The following PDE10A variants were observed in gnomAD, a reference collection of about 807,000 sequenced individuals.
PDE10A encodes cAMP and cAMP-inhibited cGMP 3',5'-cyclic phosphodiesterase 10A.
Under a neutral mutation model 97.7 loss-of-function variants are expected in PDE10A, and 39 were observed. The observed-to-expected ratio is 0.40, with a 90% CI of 0.31 to 0.52. PDE10A has a LOEUF of 0.52. PDE10A is among the 20% of genes least tolerant of loss of function. PDE10A has a pLI of 0.56. For missense variants in PDE10A, 731 were observed against 1,047.8 expected (o/e 0.70, Z 4.17); for synonymous variants, 371 against 376.8 (o/e 0.98, Z 0.18).
intron 1 of PDE10A, among the ~76,000 whole-genome samples, chr6:165,922,490 A>T (rs1341640781): frequency 6.6e-6 from 1 of 152,200 alleles, no homozygotes; most frequent in Non-Finnish European, 1.5e-5. Flanking sequence ...AAACAAAGGG[A>T]TGTTTAATAT....
At chr6:165,803,699 A>T (rs1311871617) in intron 1 of PDE10A, among the ~76,000 whole-genome samples, 1 of 152,228 alleles carries the variant, frequency 6.6e-6, no homozygotes, top group Non-Finnish European at 1.5e-5. Context: ...TATGGTATTT[A>T]GGACAATCAC....
At chr6:165,477,539 ATGAC>A (rs1703208402) in intron 3 of PDE10A, among the ~76,000 whole-genome samples, 1 of 152,238 alleles carries the variant, frequency 6.6e-6, no homozygotes, top group African/African-American at 2.4e-5. Context: ...CTGAATGACA[ATGAC>A]TGATTAGAAA....
chr6:165,494,384 C>T (rs2128290172), intron 2 of PDE10A, among the ~76,000 whole-genome samples: 1 of 150,822 alleles, frequency 6.6e-6, no homozygotes, highest in Middle Eastern at 3.5e-3. Flanking sequence ...TTTATAGCAG[C>T]ACCATTTACA....
At chr6:165,525,130 C>T (rs899505536) in intron 2 of PDE10A, among the ~76,000 whole-genome samples, 5 of 152,108 alleles carry the variant, frequency 3.3e-5, no homozygotes, top group African/African-American at 1.2e-4. Context: ...GAAGTCCCGG[C>T]GAGCCCCTAG....
chr6:165,549,481 C>T lies in PDE10A; in HGVS notation c.866-5913G>A, dbSNP rs570934067. On this transcript the variant is annotated intron_variant, in intron 1 of 21. Transcript: ENST00000539869. ...CTGGGACTACAGGTACCTGCCACCACGCCCGGCCAATTTTTTGTATTTTTA... is the reference window on the plus strand; with the variant it reads ...CTGGGACTACAGGTACCTGCCACCATGCCCGGCCAATTTTTTGTATTTTTA... 5.3e-5 allele frequency among the ~76,000 whole-genome samples: 8 copies of T among 152,204 alleles called. No homozygotes were observed. The East Asian group carries it at 9.7e-4, about 18-fold the overall frequency.
intron 2 of PDE10A, among the ~76,000 whole-genome samples, chr6:165,523,714 T>TTA (rs1782267606): frequency 6.6e-6 from 1 of 152,088 alleles, no homozygotes; most frequent in Non-Finnish European, 1.5e-5. Context: ...ACTTGGCAAA[T>TTA]AATTTATGAC....
chr6:165,876,002 A>C (rs77793714), intron 1 of PDE10A, among the ~76,000 whole-genome samples: 6,265 of 152,320 alleles, frequency 0.041, 173 homozygotes, highest in Middle Eastern at 0.11. Context: ...TATGGATAAC[A>C]TGAGGCAGGT....
intron 1 of PDE10A, among the ~76,000 whole-genome samples, chr6:165,761,525 A>G (rs1562723124): frequency 6.6e-6 from 1 of 152,162 alleles, no homozygotes; most frequent in Non-Finnish European, 1.5e-5. Flanking sequence ...TTTTTGCTTG[A>G]TACAGAAGCC....
chr6:165,531,995 GAAC>G (rs1421543629), intron 2 of PDE10A, among the ~76,000 whole-genome samples: 2 of 152,022 alleles, frequency 1.3e-5, no homozygotes, highest in Admixed American at 6.6e-5. Context: ...GTACAAAAAT[GAAC>G]AACAACAATT....
At chr6:165,797,095 G>A (rs977208225) in intron 1 of PDE10A, among the ~76,000 whole-genome samples, 13 of 152,214 alleles carry the variant, frequency 8.5e-5, no homozygotes, top group African/African-American at 2.7e-4. Flanking sequence ...GCAAATGGGT[G>A]CAAGTGACCC....
chr6:165,379,906 A>T (rs1435332780), intron 17 of PDE10A, among the ~76,000 whole-genome samples: 2 of 152,192 alleles, frequency 1.3e-5, no homozygotes, highest in African/African-American at 2.4e-5. Context: ...GTTTATTCAA[A>T]CACATTAAAA....
intron 3 of PDE10A, among the ~76,000 whole-genome samples, chr6:165,467,639 TC>T (rs1032518455): frequency 1.2e-4 from 18 of 152,210 alleles, no homozygotes; most frequent in Non-Finnish European, 2.2e-4. Context: ...CAAAAAAAAT[TC>T]CTTTCAAAAT....
At chr6:165,598,286 T>G (rs1047490931) in intron 1 of PDE10A, among the ~76,000 whole-genome samples, 2 of 151,844 alleles carry the variant, frequency 1.3e-5, no homozygotes, top group Non-Finnish European at 2.9e-5. Flanking sequence ...TAACAGATCT[T>G]AGAGAGAGAG....
At chr6:165,894,596 C>T (rs1781892634) in intron 1 of PDE10A, 1 of 451,908 alleles carries the variant, frequency 2.2e-6, no homozygotes, top group Non-Finnish European at 4.5e-6. Flanking sequence ...CAACCCTGTA[C>T]TACATATCCC....
At chr6:165,569,260 C>A (rs563282632) in intron 1 of PDE10A, among the ~76,000 whole-genome samples, 3 of 151,944 alleles carry the variant, frequency 2.0e-5, no homozygotes, top group Non-Finnish European at 4.4e-5. Context: ...CTTTTTTTCT[C>A]CTTACTCAAG....
chr6:165,440,816 T>C (rs192704001), intron 5 of PDE10A, among the ~76,000 whole-genome samples: 41 of 151,646 alleles, frequency 2.7e-4, no homozygotes, highest in African/African-American at 9.2e-4. Context: ...TATATATATA[T>C]ACAATAAATT....
At chr6:165,879,556 ATC>A (rs1006681560) in intron 1 of PDE10A, among the ~76,000 whole-genome samples, 2 of 152,180 alleles carry the variant, frequency 1.3e-5, no homozygotes, top group African/African-American at 2.4e-5. Context: ...CCCTACAGCC[ATC>A]CCTTGCTATC....
At chr6:165,686,179 T>C (rs1429573309) in intron 1 of PDE10A, among the ~76,000 whole-genome samples, 1 of 147,834 alleles carries the variant, frequency 6.8e-6, no homozygotes, top group African/African-American at 2.6e-5. Context: ...ACACAGGCTG[T>C]GTCTTTAGCA....
intron 1 of PDE10A, among the ~76,000 whole-genome samples, chr6:165,637,951 C>T (rs1788958043): frequency 6.6e-6 from 1 of 152,202 alleles, no homozygotes; most frequent in Admixed American, 6.5e-5. Context: ...AGCCTTCATT[C>T]ACCACAATCC....
Sources: allele counts gnomAD v4.1 joint callset (sites outside exome capture counted in the v4.1 genomes callset), GRCh38; gene constraint gnomAD v4.1.1; transcripts MANE v1.5; gene names NCBI Gene and HGNC (gene_info 2026-07-23, HGNC 2026-07-21).